Variants in FANCD2OS observed in about 807,000 individuals in gnomAD.
FANCD2OS encodes the protein FANCD2 opposite strand.
Under a neutral mutation model 13.2 loss-of-function variants are expected in FANCD2OS, and 11 were observed. The observed-to-expected ratio is 0.83, with a 90% confidence interval of 0.52 to 1.38. The LOEUF is 1.38. Ranked by LOEUF, FANCD2OS falls within the 40% of genes most tolerant of loss-of-function variation. The pLI, the probability that FANCD2OS is intolerant of heterozygous loss-of-function variation, is 0.00. For synonymous variants in FANCD2OS, 69 were observed against 84.5 expected (o/e 0.82, Z 1.01); for missense variants, 217 against 213.9 (o/e 1.01, Z -0.09).
chr3:10,093,459 G>T, intron 2 of FANCD2OS: 1 of 785,576 alleles, frequency 1.3e-6, no homozygotes. Flanking sequence ...TTTAGGGAAG[G>T]CAATGGATGC....
chr3:10,099,298 A>G, downstream of FANCD2OS: 1 of 1,242,230 alleles, frequency 8.1e-7, no homozygotes, highest in Non-Finnish European at 1.0e-6. Flanking sequence ...TGTGGTACAG[A>G]TGCTTTCGAC....
chr3:10,104,352 C>T lies in FANCD2OS; in HGVS notation c.423G>A (p.Lys141=), dbSNP rs10510415. 4.8e-3 allele frequency: 7,675 copies of T among 1,614,164 alleles called. 341 individuals carry two copies. In the African/African-American group the frequency reaches 0.09, roughly 19 times the overall value. ...SREHQWPIGL[K]EPQIQMTVTM... is the part of the protein sequence containing the mutation. ...TGACTGTCATCTGAATCTGAGGCTC[C>T]TTCAGTCCAATGGGCCACTGGTGCT... Residue 141 remains lysine (K), a synonymous_variant, in exon 2 of 2, where the codon AAG becomes AAA. Transcript: ENST00000450660.
At chr3:10,086,279 T>G in intron 2 of FANCD2OS, among the ~76,000 whole-genome samples, 1 of 152,210 alleles carries the variant, frequency 6.6e-6, no homozygotes, top group East Asian at 1.9e-4. Context: ...TGATAGCCTG[T>G]TTCTTTCCCC....
In FANCD2OS at chr3:10,104,569, C is replaced by G. The variant is rs144721901; in HGVS notation, c.206G>C (p.Ser69Thr). Residue 69 changes from serine to threonine, a missense_variant, in exon 2 of 2, where the codon AGT becomes ACT. Physicochemically the swap from Ser to Thr is moderately conservative, Grantham distance 58. Transcript: ENST00000450660. Reference sequence around the variant, plus strand: ...TGATGTGTGGCAGGGTAACTTGGGACTCACTCCAGATTCCAGGAATGGGCT... The same window carrying G: ...TGATGTGTGGCAGGGTAACTTGGGAGTCACTCCAGATTCCAGGAATGGGCT... ...LDSPFLESGV[S>T]PKLPCHTSEL... 86 of 1,614,090 alleles carry G rather than the reference C, an allele frequency of 5.3e-5. No individual in the cohort carries two copies. The African/African-American group carries it at 1.0e-3, about 19-fold the overall frequency.
intron 2 of FANCD2OS, among the ~76,000 whole-genome samples, chr3:10,092,490 C>T (rs1158046595): frequency 1.3e-5 from 2 of 149,986 alleles, no homozygotes; most frequent in Admixed American, 6.7e-5. Flanking sequence ...TATTTAATGA[C>T]TCCTTCCATC....
chr3:10,088,216 A>G (rs1694350300), intron 2 of FANCD2OS, among the ~76,000 whole-genome samples: 1 of 152,056 alleles, frequency 6.6e-6, no homozygotes, highest in Non-Finnish European at 1.5e-5. Flanking sequence ...GTGTGTTTCA[A>G]GATGGGGTTG....
chr3:10,105,763 AAAAAAAAATTATATATATATATAT>A (rs1236088932), intron 1 of FANCD2OS, among the ~76,000 whole-genome samples: 2 of 71,640 alleles, frequency 2.8e-5, no homozygotes, highest in African/African-American at 1.0e-4. Flanking sequence ...AAAAAAAAAA[AAAAAAAAATTATATATATATATAT>A]ATATATATAT....
In FANCD2OS at chr3:10,103,986, T is replaced by C; in HGVS notation, c.*255A>G. On this transcript the variant is annotated 3_prime_UTR_variant, in exon 2 of 2. Transcript: ENST00000450660. ...GTTTATATCATTTGTTTAACGGTTA[T>C]CACATGGACATGTCAATGCTAGTTT... 2.1e-6 allele frequency: 1 copy of C among 483,010 alleles called. No homozygotes were observed. Among genetic ancestry groups the C allele is most frequent in the Non-Finnish European group, 3.6e-6 (1 of 274,704 alleles). The allele number at this position is 483,010 out of a possible 1,614,324, so 29.9% of individuals were successfully genotyped here.
Position 10,088,365 on chromosome 3 carries a change from TC to T in FANCD2OS, c.*44-6835del, listed in dbSNP as rs1009809333. The T allele has an allele frequency of 6.9e-6, 6 of 865,838 alleles. No individual in the cohort carries two copies. The African/African-American group carries it at 9.9e-5, about 14-fold the overall frequency. 53.6% of individuals were successfully genotyped at this position (865,838 alleles called of 1,614,324 possible). On this transcript the variant is annotated intron_variant, in intron 2 of 2. Coordinates refer to the FANCD2OS transcript ENST00000524279. ...AAATCTAAACTAATAATCCTTTTGATCAATAATCATCCTCAAAAACCTGAAA... is the reference window on the plus strand; with the variant it reads ...AAATCTAAACTAATAATCCTTTTGATAATAATCATCCTCAAAAACCTGAAA...
rs755748094 is a variant in FANCD2OS, at chr3:10,085,877, G to A, written c.*44-4346C>T. On this transcript the variant is annotated intron_variant, in intron 2 of 2. Transcript: ENST00000524279. ...TCAGCCCTCCATGTCCTTAGTAGCC[G>A]ACTGAAACAGGGAGAACACAGCCAG... 84 of 1,613,490 alleles carry A rather than the reference G, an allele frequency of 5.2e-5. No homozygotes were observed. Among genetic ancestry groups the A allele is most frequent in the Middle Eastern group, 1.6e-4 (1 of 6,082 alleles).
chr3:10,088,739 G>T (rs1694393912), intron 2 of FANCD2OS: 1 of 1,415,372 alleles, frequency 7.1e-7, no homozygotes, highest in Non-Finnish European at 1.0e-6. Context: ...ACTGCTTATT[G>T]TTAATTCAGA....
rs148471911 is a variant in FANCD2OS, at chr3:10,094,322, C to T, written c.*43+9876G>A. On this transcript the variant is annotated intron_variant, in intron 2 of 2. Transcript: ENST00000524279. ...TCTCTTTGTGGAAGCATTTCTGAAG[C>T]AATGTATGCCGCTCCTAGACTTCAG... The T allele has an allele frequency of 8.7e-6, 14 of 1,614,018 alleles. No individual in the cohort carries two copies. Among genetic ancestry groups the T allele is most frequent in the Non-Finnish European group, 1.1e-5 (13 of 1,179,930 alleles).
At chr3:10,085,806 C>A (rs2125069276) in intron 2 of FANCD2OS, 1 of 1,599,772 alleles carries the variant, frequency 6.3e-7, no homozygotes, top group Non-Finnish European at 8.6e-7. Flanking sequence ...ACCTTGACTT[C>A]CTTAGGAGTG....
chr3:10,105,945 A>G (rs2125111668), intron 1 of FANCD2OS, among the ~76,000 whole-genome samples: 1 of 151,386 alleles, frequency 6.6e-6, no homozygotes, highest in South Asian at 2.1e-4. Flanking sequence ...GGGACCCAGC[A>G]ATCTGCATTT....
chr3:10,105,788 A>C (rs1267989721), intron 1 of FANCD2OS, among the ~76,000 whole-genome samples: 4 of 59,040 alleles, frequency 6.8e-5, no homozygotes, highest in African/African-American at 4.9e-4. Flanking sequence ...ATATATATAT[A>C]TATATATATA....
chr3:10,087,609 T>A (rs1413734346), intron 2 of FANCD2OS, among the ~76,000 whole-genome samples: 2 of 151,714 alleles, frequency 1.3e-5, no homozygotes, highest in Non-Finnish European at 2.9e-5. Context: ...AAAGGAGAAA[T>A]CAGGGTCAAG....
At chr3:10,087,440 T>A (rs1694285866) in intron 2 of FANCD2OS, among the ~76,000 whole-genome samples, 1 of 152,054 alleles carries the variant, frequency 6.6e-6, no homozygotes, top group African/African-American at 2.4e-5. Context: ...GACTGATTTC[T>A]GCTAAAATTG....
downstream of FANCD2OS, among the ~76,000 whole-genome samples, chr3:10,103,346 G>C (rs1695375018): frequency 6.6e-6 from 1 of 152,154 alleles, no homozygotes. Context: ...AGGTTGCGGT[G>C]AGCCGAGATG....
chr3:10,082,948 C>T (rs1005112248), intron 2 of FANCD2OS, among the ~76,000 whole-genome samples: 4 of 152,154 alleles, frequency 2.6e-5, no homozygotes, highest in African/African-American at 7.2e-5. Context: ...TGAAAGGGGC[C>T]TGACATCGTG....
Sources: gnomAD v4.1 joint callset for allele counts (sites outside exome capture counted in the v4.1 genomes callset) on GRCh38, gnomAD v4.1.1 for gene constraint, MANE v1.5 for transcripts, NCBI Gene and HGNC (gene_info 2026-07-23, HGNC 2026-07-21) for gene names.